Variants in CYGB observed in about 807,000 individuals in gnomAD.
CYGB encodes the protein cytoglobin, also known as histoglobin.
CYGB carries 13 observed loss-of-function variants against 20.7 expected under a neutral mutation model. That is an observed-to-expected ratio of 0.63 (90% CI 0.41 to 1.00). The LOEUF (loss-of-function observed/expected upper bound fraction) is 1.00. CYGB is among the 50% of genes least tolerant of loss of function. The pLI, the probability that CYGB is intolerant of heterozygous loss-of-function variation, is 0.00. For synonymous variants in CYGB, 93 were observed against 107.4 expected (o/e 0.87, Z 0.83); for missense variants, 218 against 257.2 (o/e 0.85, Z 1.04).
chr17:76,534,061 T>C (rs186108723), intron 1 of CYGB, among the ~76,000 whole-genome samples: 1 of 150,686 alleles, frequency 6.6e-6, no homozygotes, highest in East Asian at 2.0e-4. Flanking sequence ...ATATATATAT[T>C]TGCCTGCTGT....
intron 1 of CYGB, chr17:76,544,070 T>G (rs1220397904): frequency 6.6e-6 from 3 of 454,674 alleles, no homozygotes; most frequent in Non-Finnish European, 1.3e-5. Context: ...GCCATTTCTC[T>G]CTTTTCAATC....
chr17:76,539,165 C>T (rs1366262499), upstream of CYGB, among the ~76,000 whole-genome samples: 1 of 152,192 alleles, frequency 6.6e-6, no homozygotes, highest in South Asian at 2.1e-4. Flanking sequence ...CACACCACTC[C>T]CAGACCCATG....
intron 1 of CYGB, among the ~76,000 whole-genome samples, chr17:76,548,239 C>T (rs896425753): frequency 2.0e-5 from 3 of 152,122 alleles, no homozygotes; most frequent in African/African-American, 7.2e-5. Flanking sequence ...ATAGCATACA[C>T]ATACACACAG....
chr17:76,537,335 C>T, intron 1 of CYGB, 65 bp downstream of exon 1: 1 of 1,475,434 alleles, frequency 6.8e-7, no homozygotes, highest in Non-Finnish European at 9.0e-7. Flanking sequence ...GGGCCCAGCC[C>T]TCCTCTGCCC....
chr17:76,537,603 G>T lies in CYGB; in HGVS notation c.-61C>A. The T allele has an allele frequency of 9.5e-7, 1 of 1,048,504 alleles. No homozygotes were observed. The highest frequency in any genetic ancestry group is 1.1e-6 in the Non-Finnish European group (1 of 870,932). The allele number at this position is 1,048,504 out of a possible 1,614,324, so 65.0% of individuals were successfully genotyped here. ...GCGGCGGTGGCGGGGCGCGGGGCGC[G>T]GGGCGCGGGGCGCCGGGAGCCGGGG... On this transcript the variant is annotated 5_prime_UTR_variant, in exon 1 of 4. Coordinates refer to ENST00000293230, the MANE Select transcript of CYGB (RefSeq NM_134268.5).
At chr17:76,529,825 G>C in intron 3 of CYGB, 1 of 985,376 alleles carries the variant, frequency 1.0e-6, no homozygotes, top group Non-Finnish European at 1.2e-6. Flanking sequence ...AGGCAGGCCA[G>C]GGCCCAGCTG....
Position 76,531,991 on chromosome 17 carries a change from A to G in CYGB, c.144-300T>C, listed in dbSNP as rs1014323880. ...CTTCCCAAACTCTACACCCCCTTCA[A>G]GCCCTGCTCTAGTCATAGCCGAGAG... On this transcript the variant is annotated intron_variant, in intron 1 of 3. Transcript: ENST00000293230. This position sits in a 1 kb window ranked among gnomAD's most constrained non-coding sequence, Gnocchi z 7.4. 3 of 302,154 alleles carry G rather than the reference A, an allele frequency of 9.9e-6. No homozygotes were observed. Among genetic ancestry groups the G allele is most frequent in the African/African-American group, 6.3e-5 (3 of 47,804 alleles). The allele number at this position is 302,154 out of a possible 1,614,324, so 18.7% of individuals were successfully genotyped here.
intron 1 of CYGB, chr17:76,544,377 G>T: frequency 2.2e-6 from 1 of 454,850 alleles, no homozygotes; most frequent in Non-Finnish European, 4.4e-6. Flanking sequence ...AAGGGTGAGG[G>T]ATGCCGCAGA....
Position 76,533,646 on chromosome 17 carries a change from C to T in CYGB, c.144-1955G>A, listed in dbSNP as rs1472762781. ...CCTAAAGTGGGAGGATCACTTGAAC[C>T]CGGGAGGCCAAGGCTGCAGGGAGCC... On this transcript the variant is annotated intron_variant, in intron 1 of 3. Transcript: ENST00000293230. The surrounding 1 kb of genome is among the most constrained non-coding windows in gnomAD (Gnocchi z 4.5). Among the ~76,000 whole-genome samples the T allele has an allele frequency of 1.3e-5, 2 of 152,014 alleles. No individual in the cohort carries two copies. The highest frequency in any genetic ancestry group is 6.6e-5 in the Admixed American group (1 of 15,250).
At chr17:76,542,525 C>T (rs1177727814), upstream of CYGB, 1 of 1,614,082 alleles carries the variant, frequency 6.2e-7, no homozygotes, top group East Asian at 2.2e-5. Context: ...GCCCTTCAAT[C>T]CTGACCCCAG....
chr17:76,542,634 G>A (rs1426258397), upstream of CYGB: 2 of 1,601,782 alleles, frequency 1.2e-6, no homozygotes, highest in Admixed American at 1.7e-5. Flanking sequence ...GCTCAGGCAG[G>A]TAGGGCAGGG....
Position 76,528,533 on chromosome 17 carries a change from CT to C in CYGB, c.*44del. The C allele has an allele frequency of 7.8e-7, 1 of 1,282,618 alleles. No homozygotes were observed. Among genetic ancestry groups the C allele is most frequent in the South Asian group, 2.9e-5 (1 of 34,812 alleles). The allele number at this position is 1,282,618 out of a possible 1,614,324, so 79.5% of individuals were successfully genotyped here. On this transcript the variant is annotated 3_prime_UTR_variant, in exon 4 of 4. Coordinates refer to ENST00000293230, the MANE Select transcript of CYGB (RefSeq NM_134268.5). This position sits in a 1 kb window ranked among gnomAD's most constrained non-coding sequence, Gnocchi z 5.8. ...TCAAGGAGGGTCTTCAGAACTCGGCCTTCTGCTCGAGGTGCTGCCAGGGAGG... is the reference window on the plus strand; with the variant it reads ...TCAAGGAGGGTCTTCAGAACTCGGCCTCTGCTCGAGGTGCTGCCAGGGAGG...
upstream of CYGB, chr17:76,537,863 A>C (rs2143126231): frequency 6.6e-6 from 1 of 151,312 alleles, no homozygotes; most frequent in East Asian, 2.0e-4. Context: ...GGCAAGGTGA[A>C]GGCTGCGCGG....
upstream of CYGB, among the ~76,000 whole-genome samples, chr17:76,541,380 C>T (rs1043718237): frequency 6.6e-6 from 1 of 152,166 alleles, no homozygotes; most frequent in Non-Finnish European, 1.5e-5. Context: ...TGGGTCAGGG[C>T]GCACTGGCAG....
chr17:76,528,445 G>A lies in CYGB; in HGVS notation c.*133C>T, dbSNP rs1188674650. On this transcript the variant is annotated 3_prime_UTR_variant, in exon 4 of 4. Transcript: ENST00000293230. The surrounding 1 kb of genome is among the most constrained non-coding windows in gnomAD (Gnocchi z 5.8). ...GGGGGGGACCCTGGCCGCCACAGAG[G>A]CCTCCTTCGGGGAAGTTGAGTCAGG... 6 of 851,240 alleles carry A rather than the reference G, an allele frequency of 7.0e-6. No homozygotes were observed. Among genetic ancestry groups the A allele is most frequent in the Non-Finnish European group, 9.6e-6 (6 of 625,056 alleles). The allele number at this position is 851,240 out of a possible 1,614,324, so 52.7% of individuals were successfully genotyped here.
chr17:76,527,473 A>G lies in CYGB; in HGVS notation c.*1105T>C. The G allele has an allele frequency of 2.5e-6, 1 of 392,344 alleles. No individual in the cohort carries two copies. The highest frequency in any genetic ancestry group is 3.0e-5 in the Admixed American group (1 of 33,870). 24.3% of individuals were successfully genotyped at this position (392,344 alleles called of 1,614,324 possible). On this transcript the variant is annotated 3_prime_UTR_variant, in exon 4 of 4. Transcript: ENST00000293230. ...GATGAGGATGAAGATGAGGATGAGGATGGGCCAGGAGGGGACACAGCAGGA... is the reference window on the plus strand; with the variant it reads ...GATGAGGATGAAGATGAGGATGAGGGTGGGCCAGGAGGGGACACAGCAGGA...
Position 76,528,488 on chromosome 17 carries a change from T to A in CYGB, c.*90A>T. 1 of 1,152,638 alleles carries A rather than the reference T, an allele frequency of 8.7e-7. No homozygotes were observed. Among genetic ancestry groups the A allele is most frequent in the Admixed American group, 4.2e-5 (1 of 23,634 alleles). The allele number at this position is 1,152,638 out of a possible 1,614,324, so 71.4% of individuals were successfully genotyped here. ...GAGTCAGGGATTCCTCCAGCTTCCT[T>A]GGCACCCAGAAATGGAGCGTCAAGG... On this transcript the variant is annotated 3_prime_UTR_variant, in exon 4 of 4. Transcript: ENST00000293230. The surrounding 1 kb of genome is among the most constrained non-coding windows in gnomAD (Gnocchi z 5.8).
At chr17:76,534,146 T>TCTCTCTCTCTCTCTCTCTCTC (rs2074885915) in intron 1 of CYGB, among the ~76,000 whole-genome samples, 2 of 128,902 alleles carry the variant, frequency 1.6e-5, no homozygotes, top group Non-Finnish European at 1.7e-5. Context: ...CTCTTTCTCT[T>TCTCTCTCTCTCTCTCTCTCTC]TCTCTCTCTC....
At chr17:76,539,927 A>G (rs2074965322), upstream of CYGB, 6 of 604,268 alleles carry the variant, frequency 9.9e-6, no homozygotes, top group East Asian at 2.8e-5. Flanking sequence ...CCTTGACCCT[A>G]CCGCTGGAGG....
Sources: gnomAD v4.1 joint callset for allele counts (sites outside exome capture counted in the v4.1 genomes callset) on GRCh38, gnomAD v4.1.1 for gene constraint, Gnocchi (gnomAD v3.1) non-coding constraint, MANE v1.5 for transcripts, NCBI Gene and HGNC (gene_info 2026-07-23, HGNC 2026-07-21) for gene names.